CCNH: variants seen among roughly 807,000 people sequenced by gnomAD.
The protein encoded by CCNH is cyclin-H.
A neutral mutation model predicts 41.9 loss-of-function variants in CCNH; 31 were observed. That is an observed-to-expected ratio of 0.74 (90% CI 0.56 to 1.00). The LOEUF is 1.00. Ranked by LOEUF, CCNH falls within the 50% of genes least tolerant of loss-of-function variation. The probability of loss-of-function intolerance (pLI) is 0.00; values close to 1 mark genes in which losing one functional copy is unlikely to be tolerated. For missense variants in CCNH, 362 were observed against 388.4 expected, an observed-to-expected ratio of 0.93 and a Z score of 0.57; for synonymous variants, 138 against 136.1, an observed-to-expected ratio of 1.01 and a Z score of -0.10.
chr5:87,342,671 T>C (rs747175590), intron 9 of CCNH, among the ~76,000 whole-genome samples: 1 of 152,170 alleles, frequency 6.6e-6, no homozygotes, highest in Non-Finnish European at 1.5e-5. Flanking sequence ...GCAACTAATA[T>C]TCACTCACGG....
chr5:87,379,899 C>T (rs1270929527), upstream of CCNH: 14 of 1,561,692 alleles, frequency 9.0e-6, no homozygotes, highest in African/African-American at 1.4e-4. Flanking sequence ...TCTATGTCTT[C>T]AGAAATTTCT....
intron 9 of CCNH, among the ~76,000 whole-genome samples, chr5:87,339,216 C>T (rs2112391978): frequency 6.6e-6 from 1 of 152,100 alleles, no homozygotes; most frequent in East Asian, 1.9e-4. Context: ...ATTCTGGCAA[C>T]CAAATCTTGA....
At chr5:87,358,828 T>G (rs1759854000) in intron 9 of CCNH, among the ~76,000 whole-genome samples, 1 of 152,218 alleles carries the variant, frequency 6.6e-6, no homozygotes, top group South Asian at 2.1e-4. Flanking sequence ...CCAGACTCTT[T>G]CCTTCCTTAG....
chr5:87,320,660 A>G (rs933347506), intron 9 of CCNH, among the ~76,000 whole-genome samples: 1 of 152,134 alleles, frequency 6.6e-6, no homozygotes, highest in Admixed American at 6.5e-5. Context: ...ATCACCTACC[A>G]CCAGGTCCCT....
chr5:87,412,530 G>A (rs1205505353), intron 1 of CCNH, 148 bp downstream of exon 1: 4 of 1,446,614 alleles, frequency 2.8e-6, no homozygotes, highest in East Asian at 5.0e-5. Context: ...ACCTGGCAAG[G>A]TGCTCGCTTA....
rs1270983765 is a variant in CCNH, at chr5:87,363,620, T to C, written c.*90+29150A>G. ...CATCTTCTAAAAGTAGCAGATGCAC[T>C]TTCTAGGTAATTTTTGCCTTCCTTG... On this transcript the variant is annotated intron_variant and NMD_transcript_variant, in intron 9 of 9. Transcript: ENST00000645953. The C allele has an allele frequency of 4.2e-6, 5 of 1,200,972 alleles. No homozygotes were observed. The African/African-American group carries it at 4.6e-5, about 11-fold the overall frequency. The allele number at this position is 1,200,972 out of a possible 1,614,324, so 74.4% of individuals were successfully genotyped here.
chr5:87,361,158 T>TG (rs1281650167), intron 9 of CCNH, among the ~76,000 whole-genome samples: 12 of 152,218 alleles, frequency 7.9e-5, no homozygotes, highest in African/African-American at 2.7e-4. Flanking sequence ...AAAGTCTGTC[T>TG]TTTTATCTGG....
In CCNH at chr5:87,400,167, CTTA is replaced by C. The variant is rs142484674; in HGVS notation, c.761-665_761-663del. ...GGGGAATGATGAGAGATCCAATGGG[CTTA>C]TTATTACTATTAGCCAGCCATGTGA... On this transcript the variant is annotated intron_variant, in intron 6 of 8. Transcript: ENST00000256897. Among the ~76,000 whole-genome samples the C allele has an allele frequency of 9.9e-3, 1,500 of 152,232 alleles. 22 individuals carry two copies. Among genetic ancestry groups the C allele is most frequent in the African/African-American group, 0.035 (1,445 of 41,534 alleles).
downstream of CCNH, chr5:87,390,894 C>T: frequency 6.3e-7 from 1 of 1,599,526 alleles, no homozygotes; most frequent in Non-Finnish European, 8.6e-7. Context: ...CAGCCTTCGC[C>T]CCAGTGTTCT....
chr5:87,405,728 A>G (rs1763740489), intron 4 of CCNH, among the ~76,000 whole-genome samples: 1 of 151,970 alleles, frequency 6.6e-6, no homozygotes, highest in African/African-American at 2.4e-5. Flanking sequence ...ACCTTTGCTC[A>G]CTTATCCCTC....
chr5:87,373,375 T>C (rs189165803), downstream of CCNH, among the ~76,000 whole-genome samples: 20 of 152,276 alleles, frequency 1.3e-4, no homozygotes, highest in Admixed American at 5.9e-4. Context: ...TTTATGCAGA[T>C]ACTATGTCAT....
intron 5 of CCNH, 49 bp downstream of exon 5, chr5:87,404,795 A>G: frequency 7.2e-7 from 1 of 1,396,734 alleles, no homozygotes; most frequent in Non-Finnish European, 9.8e-7. Context: ...TCTATGAATA[A>G]ATAAACCCAG....
At chr5:87,387,211 A>G (rs1762120742), downstream of CCNH, among the ~76,000 whole-genome samples, 3 of 151,998 alleles carry the variant, frequency 2.0e-5, no homozygotes, top group Admixed American at 2.0e-4. Context: ...CTGCCATGAC[A>G]TTCTGTTGCC....
chr5:87,375,184 A>G (rs558669030), downstream of CCNH, among the ~76,000 whole-genome samples: 1 of 152,306 alleles, frequency 6.6e-6, no homozygotes, highest in South Asian at 2.1e-4. Flanking sequence ...ATGAATAGGA[A>G]GAATAAGGAA....
chr5:87,384,061 G>A (rs1234768084), intron 9 of CCNH, among the ~76,000 whole-genome samples: 1 of 151,758 alleles, frequency 6.6e-6, no homozygotes, highest in East Asian at 1.9e-4. Context: ...TTTATAATAA[G>A]TGACTTCTTG....
intron 7 of CCNH, among the ~76,000 whole-genome samples, chr5:87,396,277 C>A (rs1374277024): frequency 1.3e-5 from 2 of 151,938 alleles, no homozygotes; most frequent in Admixed American, 6.6e-5. Flanking sequence ...AAACCAATCC[C>A]CCATGGATAC....
intron 9 of CCNH, among the ~76,000 whole-genome samples, chr5:87,324,989 T>G (rs180961235): frequency 2.6e-5 from 4 of 152,300 alleles, no homozygotes; most frequent in African/African-American, 9.6e-5. Context: ...ACTGTATTAG[T>G]TCATTCTCAT....
intron 7 of CCNH, among the ~76,000 whole-genome samples, chr5:87,395,402 G>A (rs1471975600): frequency 1.3e-5 from 2 of 151,728 alleles, no homozygotes; most frequent in Non-Finnish European, 2.9e-5. Flanking sequence ...GAACAGTGTT[G>A]GAGGACCTTG....
chr5:87,357,119 A>G (rs1198381190), intron 9 of CCNH, among the ~76,000 whole-genome samples: 1 of 152,108 alleles, frequency 6.6e-6, no homozygotes, highest in Non-Finnish European at 1.5e-5. Flanking sequence ...CTCTCTGCCT[A>G]TCTAAATACT....
Sources: gnomAD v4.1 joint callset for allele counts (sites outside exome capture counted in the v4.1 genomes callset) on GRCh38, gnomAD v4.1.1 for gene constraint, MANE v1.5 for transcripts, NCBI Gene and HGNC (gene_info 2026-07-23, HGNC 2026-07-21) for gene names.